Variants in LINGO2 observed in about 807,000 individuals in gnomAD.
LINGO2 encodes the protein leucine-rich repeat and immunoglobulin-like domain-containing nogo receptor-interacting protein 2.
Under a neutral mutation model 30.6 loss-of-function variants are expected in LINGO2, and 14 were observed. The ratio of observed to expected loss-of-function variants is 0.46; its 90% confidence interval spans 0.30 to 0.72. The LOEUF is 0.72. Ranked by LOEUF, LINGO2 falls within the 30% of genes least tolerant of loss-of-function variation. The pLI, the probability that LINGO2 is intolerant of heterozygous loss-of-function variation, is 0.07. For missense variants in LINGO2, 729 were observed against 751.7 expected (o/e 0.97, Z 0.35); for synonymous variants, 317 against 288.5 (o/e 1.10, Z -1.00).
the LINGO2 span, among the ~76,000 whole-genome samples, chr9:28,691,383 A>C: frequency 6.6e-6 from 1 of 152,186 alleles, no homozygotes; most frequent in Non-Finnish European, 1.5e-5. Context: ...TATTCACAGA[A>C]TGTAGACTTT....
At chr9:28,650,260 C>A (rs1828035429) in intron 1 of LINGO2, among the ~76,000 whole-genome samples, 1 of 152,094 alleles carries the variant, frequency 6.6e-6, no homozygotes, top group Admixed American at 6.5e-5. Context: ...AAGACTCTAG[C>A]ACGTGGGCTC....
chr9:28,832,405 T>C, the LINGO2 span, among the ~76,000 whole-genome samples: 1 of 152,206 alleles, frequency 6.6e-6, no homozygotes, highest in South Asian at 2.1e-4. Flanking sequence ...AGACAAATGA[T>C]GTTATATGGG....
intron 1 of LINGO2, among the ~76,000 whole-genome samples, chr9:28,558,042 T>C (rs539430246): frequency 6.7e-6 from 1 of 149,722 alleles, no homozygotes; most frequent in Non-Finnish European, 1.5e-5. Flanking sequence ...ATATACCTAA[T>C]GCTAGATGAC....
the LINGO2 span, among the ~76,000 whole-genome samples, chr9:28,758,977 T>G: frequency 6.6e-6 from 1 of 152,214 alleles, no homozygotes; most frequent in East Asian, 1.9e-4. Flanking sequence ...GTTATCTTTA[T>G]AGAGCATGTG....
chr9:28,708,937 C>CA, the LINGO2 span, among the ~76,000 whole-genome samples: 2 of 152,200 alleles, frequency 1.3e-5, no homozygotes, highest in Admixed American at 6.6e-5. Context: ...AACCAACAAA[C>CA]AATGTATCTT....
chr9:28,014,636 G>C (rs752033312), intron 4 of LINGO2, among the ~76,000 whole-genome samples: 1 of 152,110 alleles, frequency 6.6e-6, no homozygotes, highest in Non-Finnish European at 1.5e-5. Context: ...TGCATAGTGT[G>C]CTATAAACAT....
intron 4 of LINGO2, among the ~76,000 whole-genome samples, chr9:28,082,885 T>C (rs549761815): frequency 6.6e-6 from 1 of 152,206 alleles, no homozygotes; most frequent in South Asian, 2.1e-4. Context: ...GTGCAACCTT[T>C]AAGGCTTGTG....
At chr9:28,119,257 C>A (rs1232959424) in intron 4 of LINGO2, among the ~76,000 whole-genome samples, 1 of 152,122 alleles carries the variant, frequency 6.6e-6, no homozygotes, top group Admixed American at 6.5e-5. Flanking sequence ...CCTCAGCCTC[C>A]TGAGTAGCTG....
chr9:28,067,025 C>T (rs1458699172), intron 4 of LINGO2, among the ~76,000 whole-genome samples: 2 of 152,104 alleles, frequency 1.3e-5, no homozygotes, highest in East Asian at 1.9e-4. Context: ...CCTCTCTACT[C>T]ACCTCGTTAT....
At chr9:28,077,793 G>A (rs978835743) in intron 4 of LINGO2, among the ~76,000 whole-genome samples, 1 of 123,520 alleles carries the variant, frequency 8.1e-6, no homozygotes, top group Non-Finnish European at 1.7e-5. Flanking sequence ...AAAAGAAAGA[G>A]AAGAAAGAAG....
intron 4 of LINGO2, among the ~76,000 whole-genome samples, chr9:28,283,468 A>C (rs1823397653): frequency 6.6e-6 from 1 of 152,202 alleles, no homozygotes; most frequent in Non-Finnish European, 1.5e-5. Flanking sequence ...CACACAGAAC[A>C]AAAAGTAAAT....
the LINGO2 span, among the ~76,000 whole-genome samples, chr9:28,741,441 C>A: frequency 6.6e-6 from 1 of 151,764 alleles, no homozygotes; most frequent in African/African-American, 2.4e-5. Context: ...TGGGTGCTGT[C>A]CTGATGAAAA....
the LINGO2 span, among the ~76,000 whole-genome samples, chr9:28,875,904 G>T: frequency 0.043 from 6,540 of 151,822 alleles, 216 homozygotes; most frequent in Admixed American, 0.084. Flanking sequence ...ATTTCATTTT[G>T]CATTTCCTTG....
At chr9:28,782,869 C>G in the LINGO2 span, among the ~76,000 whole-genome samples, 1 of 152,164 alleles carries the variant, frequency 6.6e-6, no homozygotes, top group Admixed American at 6.5e-5. Context: ...AGCACACTTA[C>G]ACAAACCTAA....
At chr9:28,082,279 T>C (rs527422535) in intron 4 of LINGO2, among the ~76,000 whole-genome samples, 129 of 152,298 alleles carry the variant, frequency 8.5e-4, no homozygotes, top group African/African-American at 3.0e-3. Context: ...CTCTAATTGG[T>C]AATGGAAACT....
intron 1 of LINGO2, among the ~76,000 whole-genome samples, chr9:28,534,588 T>C (rs1812353508): frequency 6.6e-6 from 1 of 152,192 alleles, no homozygotes; most frequent in South Asian, 2.1e-4. Context: ...AAGAAAACTT[T>C]CTTAATTTCT....
At chr9:27,969,981 A>T (rs1820277528) in intron 5 of LINGO2, among the ~76,000 whole-genome samples, 2 of 152,326 alleles carry the variant, frequency 1.3e-5, no homozygotes, top group South Asian at 4.1e-4. Flanking sequence ...AGCAGCATTT[A>T]TTATACAATT....
chr9:28,554,600 A>T (rs1485655100), intron 1 of LINGO2, among the ~76,000 whole-genome samples: 1 of 127,522 alleles, frequency 7.8e-6, no homozygotes, highest in East Asian at 2.4e-4. Context: ...CGAGACAGAA[A>T]GTCAACAAGG....
Position 28,410,977 on chromosome 9 carries a change from C to T in LINGO2, c.-278-38109G>A, listed in dbSNP as rs149105369. Among the ~76,000 whole-genome samples the T allele has an allele frequency of 2.9e-3, 442 of 152,202 alleles. 3 individuals carry two copies. Among genetic ancestry groups the T allele is most frequent in the African/African-American group, 0.01 (423 of 41,542 alleles). Reference sequence around the variant, plus strand: ...CCCTCAGTGTCAACATGCACAACGACCAAAACTGGCTGACATTAGAGAAGT... The same window carrying T: ...CCCTCAGTGTCAACATGCACAACGATCAAAACTGGCTGACATTAGAGAAGT... On this transcript the variant is annotated intron_variant, in intron 2 of 5. Transcript: ENST00000379992.
Sources: allele counts gnomAD v4.1 joint callset (sites outside exome capture counted in the v4.1 genomes callset), GRCh38; gene constraint gnomAD v4.1.1; transcripts MANE v1.5; gene names NCBI Gene and HGNC (gene_info 2026-07-23, HGNC 2026-07-21).